The following CFAP221 variants were observed in gnomAD, a reference collection of about 807,000 sequenced individuals.
CFAP221 encodes cilia and flagella associated protein 221.
CFAP221 carries 97 observed loss-of-function variants against 113.1 expected under a neutral mutation model. That is an observed-to-expected ratio of 0.86 (90% CI 0.73 to 1.02). The LOEUF (loss-of-function observed/expected upper bound fraction) is 1.02. Among genes scored for constraint, CFAP221 ranks in the 50% least tolerant of loss-of-function variants. The pLI, the probability that CFAP221 is intolerant of heterozygous loss-of-function variation, is 0.00. For synonymous variants in CFAP221, 331 were observed against 354.4 expected, an observed-to-expected ratio of 0.93 and a Z score of 0.74; for missense variants, 1,025 against 1,013.4, an observed-to-expected ratio of 1.01 and a Z score of -0.16.
intron 20 of CFAP221, 36 bp downstream of exon 20, chr2:119,638,453 C>G (rs780151581): frequency 1.2e-6 from 2 of 1,612,436 alleles, no homozygotes; most frequent in Admixed American, 1.7e-5. Context: ...CAGAGTGACC[C>G]TGGGCTGCAG....
At position 119,625,566 on chromosome 2, in the gene CFAP221, A is replaced by G. The variant is rs1162114345; in HGVS notation, c.1411-17A>G. 1 of 1,520,018 alleles carries G rather than the reference A, an allele frequency of 6.6e-7. No homozygotes were observed. Among genetic ancestry groups the G allele is most frequent in the South Asian group, 1.1e-5 (1 of 87,368 alleles). The allele number at this position is 1,520,018 out of a possible 1,614,324, so 94.2% of individuals were successfully genotyped here. On this transcript the variant is annotated splice_polypyrimidine_tract_variant and intron_variant, in intron 14 of 23. Transcript: ENST00000413369. ...TGTTGATTAATAATTTGAAATCATT[A>G]TCCACTCCAATTTCAGGTCATGATT...
intron 19 of CFAP221, among the ~76,000 whole-genome samples, chr2:119,634,904 G>A (rs948421443): frequency 6.6e-6 from 1 of 152,164 alleles, no homozygotes; most frequent in Non-Finnish European, 1.5e-5. Context: ...GTACAACATC[G>A]CACTTATAGC....
intron 14 of CFAP221, among the ~76,000 whole-genome samples, chr2:119,619,077 G>A (rs1024230762): frequency 2.0e-5 from 3 of 152,234 alleles, no homozygotes; most frequent in Admixed American, 6.5e-5. Context: ...AAGAAAGGCA[G>A]CAGCCCCAGT....
At chr2:119,659,686 C>A (rs147745083), downstream of CFAP221, among the ~76,000 whole-genome samples, 1 of 36,168 alleles carries the variant, frequency 2.8e-5, no homozygotes, top group Non-Finnish European at 8.2e-5. Context: ...ACTGGCCTGA[C>A]CTACTAGCAG....
At position 119,655,715 on chromosome 2, in the gene CFAP221, C is replaced by T. The variant is rs112647787; in HGVS notation, c.2415-647C>T. 6.8e-3 allele frequency among the ~76,000 whole-genome samples: 1,031 copies of T among 152,298 alleles called. 13 individuals are homozygous for T. Among genetic ancestry groups the T allele is most frequent in the African/African-American group, 0.024 (980 of 41,554 alleles). On this transcript the variant is annotated intron_variant, in intron 23 of 23. Coordinates refer to ENST00000413369, the MANE Select transcript of CFAP221 (RefSeq NM_001271049.2). ...TCCATCTTAACCCTTGGCCCCAGCCCACCAAGAGGCAAGCTGGCCCCTAAG... is the reference window on the plus strand; with the variant it reads ...TCCATCTTAACCCTTGGCCCCAGCCTACCAAGAGGCAAGCTGGCCCCTAAG...
At chr2:119,547,287 C>A (rs560896576) in intron 2 of CFAP221, among the ~76,000 whole-genome samples, 1 of 152,096 alleles carries the variant, frequency 6.6e-6, no homozygotes, top group Non-Finnish European at 1.5e-5. Context: ...AGGCCAGGTG[C>A]GGTGGCTCAC....
At chr2:119,546,809 T>A (rs1488902891) in intron 2 of CFAP221, among the ~76,000 whole-genome samples, 1 of 152,204 alleles carries the variant, frequency 6.6e-6, no homozygotes. Flanking sequence ...ATTTTAGACC[T>A]TTTTGCCTTT....
At chr2:119,615,751 A>T in intron 14 of CFAP221, 42 bp downstream of exon 14, 2 of 1,469,758 alleles carry the variant, frequency 1.4e-6, no homozygotes, top group South Asian at 2.4e-5. Context: ...TTGTTTACTC[A>T]TCAGCATAAG....
intron 23 of CFAP221, among the ~76,000 whole-genome samples, chr2:119,652,385 C>T (rs985225730): frequency 6.6e-6 from 1 of 152,206 alleles, no homozygotes; most frequent in Non-Finnish European, 1.5e-5. Context: ...TGGAGCCAGA[C>T]CATCTGGAGC....
chr2:119,580,055 C>T (rs1481008812), intron 6 of CFAP221: 4 of 152,184 alleles, frequency 2.6e-5, no homozygotes, highest in South Asian at 2.1e-4. Context: ...ATACCTCACA[C>T]GCATGTGTAA....
chr2:119,597,777 G>A (rs901330524), intron 7 of CFAP221, among the ~76,000 whole-genome samples: 11 of 152,144 alleles, frequency 7.2e-5, no homozygotes, highest in African/African-American at 2.7e-4. Flanking sequence ...GTTACTTGAT[G>A]TACACCCTAT....
chr2:119,558,651 C>A (rs1680999324), intron 3 of CFAP221, among the ~76,000 whole-genome samples: 1 of 151,954 alleles, frequency 6.6e-6, no homozygotes, highest in Non-Finnish European at 1.5e-5. Flanking sequence ...GACCCCATCT[C>A]TACAAAAAAT....
In CFAP221 at chr2:119,627,686, T is replaced by C; in HGVS notation, c.1550T>C (p.Ile517Thr). Residue 517 changes from isoleucine (I) to threonine (T), a missense_variant, in exon 16 of 24, where the codon ATC (isoleucine) becomes ACC (threonine). Ile to Thr is a moderately conservative substitution (Grantham distance 89). Transcript: ENST00000413369. ...TTCTTCAAATTCTTCCTGAGGCGGATCAGTCAGGATGATTATACCAGCCGG... is the reference window on the plus strand; with the variant it reads ...TTCTTCAAATTCTTCCTGAGGCGGACCAGTCAGGATGATTATACCAGCCGG... ...ANFFKFFLRR[I>T]SQDDYTSRFS... The C allele has an allele frequency of 2.5e-6, 4 of 1,613,692 alleles. No individual in the cohort carries two copies. The African/African-American group carries it at 4.0e-5, about 16-fold the overall frequency.
intron 3 of CFAP221, 114 bp from the exon 4 acceptor site, chr2:119,559,570 AAAGTT>A (rs1462639581): frequency 1.3e-6 from 1 of 795,240 alleles, no homozygotes; most frequent in Non-Finnish European, 2.0e-6. Context: ...AATATTTTGA[AAAGTT>A]AAATATAGGA....
At chr2:119,641,402 A>C (rs1030520945) in intron 21 of CFAP221, among the ~76,000 whole-genome samples, 5 of 152,182 alleles carry the variant, frequency 3.3e-5, no homozygotes, top group Non-Finnish European at 7.3e-5. Flanking sequence ...CTTGTTCTAC[A>C]TTTTTAGCAT....
chr2:119,562,915 G>A (rs1681359342), intron 6 of CFAP221, among the ~76,000 whole-genome samples: 1 of 152,124 alleles, frequency 6.6e-6, no homozygotes, highest in South Asian at 2.1e-4. Flanking sequence ...ACTGTAGGAG[G>A]CCGAGGCAGA....
chr2:119,640,285 A>G (rs952037085), intron 21 of CFAP221, among the ~76,000 whole-genome samples: 7 of 152,148 alleles, frequency 4.6e-5, no homozygotes, highest in Non-Finnish European at 7.4e-5. Context: ...TCCAGTTCCA[A>G]AGGATCCATG....
intron 20 of CFAP221, 130 bp from the exon 21 acceptor site, chr2:119,639,651 C>A: frequency 1.4e-6 from 1 of 703,192 alleles, no homozygotes; most frequent in Non-Finnish European, 2.4e-6. Flanking sequence ...CAGAAAAATT[C>A]AAACTGAATG....
intron 8 of CFAP221, chr2:119,602,693 T>G: frequency 2.0e-6 from 2 of 985,412 alleles, no homozygotes; most frequent in Non-Finnish European, 2.4e-6. Flanking sequence ...TTGAAATCAC[T>G]CGGGCAACAA....
Sources: gnomAD v4.1 joint callset for allele counts (sites outside exome capture counted in the v4.1 genomes callset) on GRCh38, gnomAD v4.1.1 for gene constraint, MANE v1.5 for transcripts, NCBI Gene and HGNC (gene_info 2026-07-23, HGNC 2026-07-21) for gene names.